ITGA2: variants seen among roughly 807,000 people sequenced by gnomAD.
ITGA2 encodes the protein integrin subunit alpha 2, also known as integrin alpha-2.
Under a neutral mutation model 146.3 loss-of-function variants are expected in ITGA2, and 101 were observed. The ratio of observed to expected loss-of-function variants is 0.69; its 90% CI spans 0.59 to 0.81. ITGA2 has a LOEUF of 0.81. Ranked by LOEUF, ITGA2 falls within the 40% of genes least tolerant of loss-of-function variation. The probability of loss-of-function intolerance (pLI) is 0.00; values close to 1 mark genes in which losing one functional copy is unlikely to be tolerated. For missense variants in ITGA2, 1,281 were observed against 1,402.7 expected, an observed-to-expected ratio of 0.91 and a Z score of 1.39; for synonymous variants, 477 against 487.1, an observed-to-expected ratio of 0.98 and a Z score of 0.27.
chr5:53,048,590 G>A (rs1427951225), intron 5 of ITGA2, 53 bp from the exon 6 acceptor site: 2 of 1,613,360 alleles, frequency 1.2e-6, no homozygotes, highest in Non-Finnish European at 1.7e-6. Context: ...TTATATGGCT[G>A]TGAAATATGA....
intron 1 of ITGA2, among the ~76,000 whole-genome samples, chr5:53,019,447 C>T (rs1038726396): frequency 6.6e-6 from 1 of 152,166 alleles, no homozygotes; most frequent in African/African-American, 2.4e-5. Flanking sequence ...TGTCTGAGGC[C>T]CCTGCCCATT....
intron 2 of ITGA2, among the ~76,000 whole-genome samples, chr5:53,033,112 A>C (rs1304637759): frequency 6.6e-6 from 1 of 152,126 alleles, no homozygotes; most frequent in East Asian, 1.9e-4. Context: ...TACCAAAACC[A>C]TAAAAAATTA....
At position 52,989,362 on chromosome 5, in the gene ITGA2, T is replaced by A. The variant is rs1740792916; in HGVS notation, c.-107T>A. 8.2e-7 allele frequency: 1 copy of A among 1,212,338 alleles called. No homozygotes were observed. The highest frequency in any genetic ancestry group is 1.2e-6 in the Non-Finnish European group (1 of 820,756). The allele number at this position is 1,212,338 out of a possible 1,614,324, so 75.1% of individuals were successfully genotyped here. On this transcript the variant is annotated 5_prime_UTR_variant, in exon 1 of 30. Transcript: ENST00000296585. ...CTCACCGGGCGGGGGAGAGAAGCCCTCTGGACAGCTTCTAGAGTGTGCAGG... is the reference window on the plus strand; with the variant it reads ...CTCACCGGGCGGGGGAGAGAAGCCCACTGGACAGCTTCTAGAGTGTGCAGG...
intron 10 of ITGA2, among the ~76,000 whole-genome samples, chr5:53,059,073 T>C (rs1193016578): frequency 6.6e-6 from 1 of 151,928 alleles, no homozygotes; most frequent in Non-Finnish European, 1.5e-5. Flanking sequence ...GTCCAACATC[T>C]TATCTTTGGT....
chr5:53,085,089 G>A (rs1746096444), intron 27 of ITGA2, among the ~76,000 whole-genome samples: 1 of 152,212 alleles, frequency 6.6e-6, no homozygotes, highest in African/African-American at 2.4e-5. Context: ...AAAGTCAAAT[G>A]TTTATCCTCA....
At position 53,078,840 on chromosome 5, in the gene ITGA2, A is replaced by T; in HGVS notation, c.2894A>T (p.Glu965Val). 6.2e-7 allele frequency: 1 copy of T among 1,611,330 alleles called. No individual in the cohort carries two copies. Among genetic ancestry groups the T allele is most frequent in the Non-Finnish European group, 8.5e-7 (1 of 1,178,008 alleles). Residue 965 changes from glutamate to valine, a missense_variant, in exon 24 of 30, where the codon GAA (glutamate) becomes GTA (valine). Coordinates refer to ENST00000296585, the MANE Select transcript of ITGA2 (RefSeq NM_002203.4). ...GNVPSIVHSF[E>V]DVGPKFIFSL... is the part of the protein sequence containing the mutation. Reference sequence around the variant, plus strand: ...GTTCCTTCAATCGTGCACAGTTTTGAAGATGTTGGTCCAAAATTCATCTTC... The same window carrying T: ...GTTCCTTCAATCGTGCACAGTTTTGTAGATGTTGGTCCAAAATTCATCTTC...
intron 1 of ITGA2, among the ~76,000 whole-genome samples, chr5:53,022,842 T>G (rs1372319839): frequency 1.3e-5 from 2 of 152,204 alleles, no homozygotes; most frequent in Non-Finnish European, 2.9e-5. Context: ...ATAAGAAATC[T>G]ACATGAGTTA....
At chr5:53,057,938 A>AGGCT in intron 9 of ITGA2, 87 bp from the exon 10 acceptor site, 1 of 862,068 alleles carries the variant, frequency 1.2e-6, no homozygotes, top group Non-Finnish European at 2.0e-6. Flanking sequence ...GTTTGTAGGC[A>AGGCT]TGTGTGTACA....
intron 4 of ITGA2, among the ~76,000 whole-genome samples, chr5:53,047,478 A>G (rs538189458): frequency 6.6e-6 from 1 of 152,338 alleles, no homozygotes; most frequent in East Asian, 1.9e-4. Flanking sequence ...TGTGAGCAAG[A>G]AGACAAGTGC....
rs3212550 is a variant in ITGA2 at position 53,063,687 on chromosome 5, A to G, written c.1602+758A>G. Among the ~76,000 whole-genome samples the G allele has an allele frequency of 5.5e-3, 831 of 151,728 alleles. 6 individuals are homozygous for G. Among genetic ancestry groups the G allele is most frequent in the African/African-American group, 0.019 (794 of 41,516 alleles). ...ATGTTTAAGTATTGTGATATTTTGT[A>G]CCACCTGATTTATTGATATTTATGT... On this transcript the variant is annotated intron_variant, in intron 13 of 29. Transcript: ENST00000296585.
chr5:52,996,511 T>A (rs1741263199), intron 1 of ITGA2, among the ~76,000 whole-genome samples: 1 of 152,046 alleles, frequency 6.6e-6, no homozygotes, highest in African/African-American at 2.4e-5. Flanking sequence ...GGATATTAAC[T>A]AATCAGGGAA....
chr5:53,016,052 G>A (rs1742387073), intron 1 of ITGA2, among the ~76,000 whole-genome samples: 1 of 152,236 alleles, frequency 6.6e-6, no homozygotes, highest in African/African-American at 2.4e-5. Flanking sequence ...TTGCCACTCT[G>A]TGCCTTTTAA....
chr5:53,041,990 G>A, intron 2 of ITGA2, 122 bp from the exon 3 acceptor site: 1 of 723,966 alleles, frequency 1.4e-6, no homozygotes, highest in East Asian at 2.7e-5. Flanking sequence ...TCAAATCATA[G>A]CTGAACAAAT....
intron 1 of ITGA2, among the ~76,000 whole-genome samples, chr5:53,026,529 A>C (rs1158750764): frequency 3.9e-5 from 6 of 152,168 alleles, no homozygotes; most frequent in African/African-American, 9.7e-5. Flanking sequence ...ATTTCCATGA[A>C]GATTAGTAAG....
chr5:53,079,725 C>T (rs1456154718), intron 24 of ITGA2, among the ~76,000 whole-genome samples: 1 of 152,130 alleles, frequency 6.6e-6, no homozygotes, highest in Non-Finnish European at 1.5e-5. Flanking sequence ...TTGGCAACTA[C>T]ATTCTTTAAT....
chr5:53,075,371 T>C, intron 23 of ITGA2, 67 bp downstream of exon 23: 2 of 1,296,996 alleles, frequency 1.5e-6, no homozygotes, highest in Non-Finnish European at 2.2e-6. Context: ...TTTTGGCTCA[T>C]GGCTAAAGAA....
intron 28 of ITGA2, chr5:53,089,212 T>C (rs1740287904): frequency 6.6e-6 from 1 of 152,116 alleles, no homozygotes; most frequent in Admixed American, 6.6e-5. Context: ...TATTATCCTC[T>C]TCTTTTGCTT....
At chr5:53,035,466 C>T (rs1304525297) in intron 2 of ITGA2, among the ~76,000 whole-genome samples, 3 of 152,204 alleles carry the variant, frequency 2.0e-5, no homozygotes, top group Non-Finnish European at 4.4e-5. Context: ...TGCTGAGGAT[C>T]TAGCCATCCC....
intron 1 of ITGA2, among the ~76,000 whole-genome samples, chr5:53,026,452 A>T (rs1027812843): frequency 6.6e-6 from 1 of 152,186 alleles, no homozygotes; most frequent in Non-Finnish European, 1.5e-5. Flanking sequence ...GCTGTGAGAT[A>T]TACTTGTCCC....
Sources: allele counts gnomAD v4.1 joint callset (sites outside exome capture counted in the v4.1 genomes callset), GRCh38; gene constraint gnomAD v4.1.1; transcripts MANE v1.5; gene names NCBI Gene and HGNC (gene_info 2026-07-23, HGNC 2026-07-21).